Variants in SCMH1 observed in about 807,000 individuals in gnomAD.
SCMH1 encodes the protein Scm polycomb group protein homolog 1, also known as polycomb protein SCMH1.
In SCMH1, 37 loss-of-function variants were observed where a neutral mutation model predicts 70.8. The observed-to-expected ratio is 0.52, with a 90% CI of 0.40 to 0.69. SCMH1 has a LOEUF of 0.69. Among genes scored for constraint, SCMH1 ranks in the 30% least tolerant of loss-of-function variants. The pLI is 0.00. For missense variants in SCMH1, 607 were observed against 827.3 expected (o/e 0.73, Z 3.27); for synonymous variants, 292 against 307.4 (o/e 0.95, Z 0.52).
intron 6 of SCMH1, among the ~76,000 whole-genome samples, chr1:41,121,156 T>A (rs960285594): frequency 6.6e-6 from 1 of 151,984 alleles, no homozygotes; most frequent in African/African-American, 2.4e-5. Context: ...GTTCTAAAGA[T>A]TAAATAGGCT....
intron 10 of SCMH1, among the ~76,000 whole-genome samples, chr1:41,057,742 G>C (rs777794680): frequency 6.6e-6 from 1 of 152,056 alleles, no homozygotes; most frequent in Non-Finnish European, 1.5e-5. Flanking sequence ...ACTAGACAGC[G>C]TGCAAGAACA....
At chr1:41,218,927 C>T (rs1012111498) in intron 1 of SCMH1, among the ~76,000 whole-genome samples, 27 of 152,100 alleles carry the variant, frequency 1.8e-4, no homozygotes, top group African/African-American at 2.4e-5. Context: ...CTTTGTTATT[C>T]ATAAGCCCCT....
intron 2 of SCMH1, among the ~76,000 whole-genome samples, chr1:41,183,973 C>T (rs188791305): frequency 1.5e-3 from 222 of 152,150 alleles, no homozygotes; most frequent in African/African-American, 4.9e-3. Flanking sequence ...TTAATGGGTA[C>T]AGTTTCAGTT....
chr1:41,119,742 A>G (rs1671460926), intron 6 of SCMH1, among the ~76,000 whole-genome samples: 2 of 152,192 alleles, frequency 1.3e-5, no homozygotes, highest in South Asian at 4.1e-4. Flanking sequence ...GCCAAAGTAC[A>G]GCATGGGATG....
chr1:41,214,910 T>C (rs1165793829), intron 1 of SCMH1, among the ~76,000 whole-genome samples: 1 of 152,148 alleles, frequency 6.6e-6, no homozygotes, highest in Non-Finnish European at 1.5e-5. Flanking sequence ...AACAGAATGG[T>C]AGAAGGAAAA....
chr1:41,100,930 A>G (rs1455876700), intron 8 of SCMH1, among the ~76,000 whole-genome samples: 1 of 152,162 alleles, frequency 6.6e-6, no homozygotes, highest in Non-Finnish European at 1.5e-5. Flanking sequence ...CTGTCCCTGC[A>G]GTCTAGAGTT....
intron 4 of SCMH1, chr1:41,159,645 C>A: frequency 6.9e-7 from 1 of 1,442,846 alleles, no homozygotes; most frequent in Non-Finnish European, 9.2e-7. Flanking sequence ...TACCACACAT[C>A]AGTACCTTAA....
At chr1:41,164,909 C>T (rs1646311968) in intron 2 of SCMH1, among the ~76,000 whole-genome samples, 1 of 152,024 alleles carries the variant, frequency 6.6e-6, no homozygotes, top group South Asian at 2.1e-4. Context: ...TTAAAGTTCT[C>T]TCTTTAGCTA....
chr1:41,096,370 T>C (rs529069093), intron 8 of SCMH1, among the ~76,000 whole-genome samples: 1 of 152,366 alleles, frequency 6.6e-6, no homozygotes, highest in East Asian at 1.9e-4. Context: ...TGTGTGATTT[T>C]AAGGAAGTTA....
intron 6 of SCMH1, among the ~76,000 whole-genome samples, chr1:41,136,382 C>CTT (rs757034374): frequency 4.9e-5 from 6 of 122,002 alleles, no homozygotes; most frequent in South Asian, 2.9e-4. Context: ...TTCTTTCTTT[C>CTT]TTTTTTTTTT....
At chr1:41,059,152 C>A (rs1651677114) in intron 10 of SCMH1, among the ~76,000 whole-genome samples, 1 of 152,180 alleles carries the variant, frequency 6.6e-6, no homozygotes, top group Non-Finnish European at 1.5e-5. Context: ...GTTTACCCTT[C>A]CCTGTTGCAT....
chr1:41,193,133 A>C (rs1487347194), intron 1 of SCMH1, among the ~76,000 whole-genome samples: 3 of 152,154 alleles, frequency 2.0e-5, no homozygotes, highest in African/African-American at 4.8e-5. Flanking sequence ...AAATAACTCA[A>C]CCTGGCTCTG....
At chr1:41,047,696 C>A (rs1384417489) in intron 11 of SCMH1, among the ~76,000 whole-genome samples, 1 of 152,110 alleles carries the variant, frequency 6.6e-6, no homozygotes, top group Non-Finnish European at 1.5e-5. Context: ...GCCACCGCAC[C>A]TGGCCAATTC....
rs150722140 is a variant in SCMH1 at position 41,160,872 on chromosome 1, T to C, written c.106+3A>G. The C allele has an allele frequency of 9.5e-4, 1,478 of 1,550,092 alleles. 1 individual carries two copies. The highest frequency in any genetic ancestry group is 1.2e-3 in the Non-Finnish European group (1,319 of 1,146,598). On this transcript the variant is annotated splice_donor_region_variant and intron_variant, in intron 4 of 14. Transcript: ENST00000337495. Reference sequence around the variant, plus strand: ...TAACAGAAACACAAGAAAAATAGCTTACCTAGATCCAGGATGTCAGCAGCT... The same window carrying C: ...TAACAGAAACACAAGAAAAATAGCTCACCTAGATCCAGGATGTCAGCAGCT...
intron 2 of SCMH1, among the ~76,000 whole-genome samples, chr1:41,170,290 A>G (rs1290347176): frequency 6.6e-6 from 1 of 152,178 alleles, no homozygotes; most frequent in Non-Finnish European, 1.5e-5. Flanking sequence ...CCTCCTCTCC[A>G]TGGGGAGAAG....
chr1:41,186,992 G>C (rs1015630524), intron 1 of SCMH1, among the ~76,000 whole-genome samples: 7 of 152,130 alleles, frequency 4.6e-5, no homozygotes, highest in African/African-American at 1.7e-4. Context: ...AATTCTTTGG[G>C]AGTACCTCAG....
intron 2 of SCMH1, among the ~76,000 whole-genome samples, chr1:41,183,156 T>A (rs992327611): frequency 6.6e-6 from 1 of 152,206 alleles, no homozygotes; most frequent in Non-Finnish European, 1.5e-5. Flanking sequence ...TCCAATTCCG[T>A]CAGTTGTATC....
intron 2 of SCMH1, among the ~76,000 whole-genome samples, chr1:41,180,514 T>C (rs1434833853): frequency 6.6e-6 from 1 of 152,116 alleles, no homozygotes; most frequent in African/African-American, 2.4e-5. Flanking sequence ...GGATAGAAAA[T>C]CGATGTGCAA....
chr1:41,241,337 G>A (rs1663479453), intron 1 of SCMH1, among the ~76,000 whole-genome samples: 1 of 152,242 alleles, frequency 6.6e-6, no homozygotes, highest in African/African-American at 2.4e-5. Flanking sequence ...CTGTGCCCAC[G>A]TGTCTGGCCC....
Sources: gnomAD v4.1 joint callset for allele counts (sites outside exome capture counted in the v4.1 genomes callset) on GRCh38, gnomAD v4.1.1 for gene constraint, MANE v1.5 for transcripts, NCBI Gene and HGNC (gene_info 2026-07-23, HGNC 2026-07-21) for gene names.